The following SGCZ variants were observed in gnomAD, a reference collection of about 807,000 sequenced individuals.
The protein encoded by SGCZ is sarcoglycan zeta, also known as zeta-sarcoglycan.
A neutral mutation model predicts 41.3 loss-of-function variants in SGCZ; 40 were observed. The observed-to-expected ratio is 0.97, with a 90% confidence interval of 0.75 to 1.26. SGCZ has a LOEUF of 1.26. SGCZ is among the 50% of genes most tolerant of loss of function. SGCZ has a pLI of 0.00. For missense variants in SGCZ, 552 were observed against 369.8 expected, an observed-to-expected ratio of 1.49 and a Z score of -4.04; for synonymous variants, 206 against 137.5, an observed-to-expected ratio of 1.50 and a Z score of -3.49.
intron 1 of SGCZ, among the ~76,000 whole-genome samples, chr8:14,710,369 C>CT (rs1809477226): frequency 1.1e-5 from 1 of 92,432 alleles, no homozygotes; most frequent in Non-Finnish European, 2.2e-5. Context: ...GACTCCGCAT[C>CT]AAAAAAAAAA....
chr8:14,330,579 C>T (rs1027154136), intron 2 of SGCZ, among the ~76,000 whole-genome samples: 5 of 151,744 alleles, frequency 3.3e-5, no homozygotes, highest in Admixed American at 6.6e-5. Context: ...TTTAAAGTGA[C>T]TGTTTAAATT....
intron 2 of SGCZ, among the ~76,000 whole-genome samples, chr8:14,377,820 A>G (rs903444558): frequency 7.2e-5 from 11 of 151,732 alleles, no homozygotes; most frequent in Non-Finnish European, 1.0e-4. Context: ...GAGAATGATG[A>G]TTACCAATTT....
chr8:14,448,020 A>G (rs570823564), intron 2 of SGCZ, among the ~76,000 whole-genome samples: 4 of 152,162 alleles, frequency 2.6e-5, no homozygotes, highest in African/African-American at 9.7e-5. Flanking sequence ...AAATAGTCTG[A>G]AATCGGGGTG....
At chr8:14,435,117 G>A (rs1051639537) in intron 2 of SGCZ, among the ~76,000 whole-genome samples, 2 of 152,078 alleles carry the variant, frequency 1.3e-5, no homozygotes, top group Non-Finnish European at 2.9e-5. Context: ...TAATAAAAGC[G>A]TGATATTTTG....
chr8:14,836,327 A>G (rs1209728089), intron 1 of SGCZ, among the ~76,000 whole-genome samples: 1 of 152,210 alleles, frequency 6.6e-6, no homozygotes, highest in African/African-American at 2.4e-5. Context: ...TAATGTTTCT[A>G]TCATAAGATT....
At chr8:15,214,690 A>C (rs1016744581) in intron 1 of SGCZ, among the ~76,000 whole-genome samples, 5 of 152,170 alleles carry the variant, frequency 3.3e-5, no homozygotes, top group African/African-American at 1.2e-4. Flanking sequence ...AGGGAGGCAT[A>C]TTCCTCACAG....
intron 1 of SGCZ, among the ~76,000 whole-genome samples, chr8:14,646,597 A>G (rs748925733): frequency 1.3e-5 from 2 of 151,794 alleles, no homozygotes; most frequent in Non-Finnish European, 2.9e-5. Context: ...GCTGGATTGG[A>G]TGGTAGTTGT....
intron 1 of SGCZ, among the ~76,000 whole-genome samples, chr8:15,152,313 G>T (rs1023873042): frequency 1.3e-5 from 2 of 152,160 alleles, no homozygotes; most frequent in African/African-American, 2.4e-5. Context: ...TAAAAACAAG[G>T]ATAAGTGGAA....
chr8:14,222,271 A>C (rs1004291805), intron 4 of SGCZ, among the ~76,000 whole-genome samples: 5 of 151,820 alleles, frequency 3.3e-5, no homozygotes, highest in African/African-American at 1.2e-4. Flanking sequence ...CCCGGGTTCA[A>C]GCAATTATCT....
At chr8:14,518,111 T>C (rs4831601) in intron 2 of SGCZ, among the ~76,000 whole-genome samples, 96,684 of 151,548 alleles carry the variant, frequency 0.64, 31,553 homozygotes, top group South Asian at 0.76. Flanking sequence ...ATATATTTGC[T>C]CATAGATTTT....
chr8:14,164,129 T>A (rs1804133816), intron 5 of SGCZ, among the ~76,000 whole-genome samples: 1 of 152,210 alleles, frequency 6.6e-6, no homozygotes, highest in Non-Finnish European at 1.5e-5. Context: ...ATTTACATAC[T>A]TTTGAGGATA....
At chr8:14,309,505 G>C in intron 3 of SGCZ, 1 of 1,608,954 alleles carries the variant, frequency 6.2e-7, no homozygotes, top group Non-Finnish European at 8.5e-7. Context: ...ATTGTGATAA[G>C]AGAGCAGTGT....
intron 1 of SGCZ, among the ~76,000 whole-genome samples, chr8:14,981,791 A>G (rs966663868): frequency 2.0e-5 from 3 of 152,192 alleles, no homozygotes; most frequent in Non-Finnish European, 4.4e-5. Context: ...ATCATAGTGC[A>G]TATTCTACTT....
At chr8:14,282,199 T>G (rs570340963) in intron 3 of SGCZ, among the ~76,000 whole-genome samples, 5 of 152,246 alleles carry the variant, frequency 3.3e-5, no homozygotes, top group Middle Eastern at 3.4e-3. Flanking sequence ...TTCTTTGCCT[T>G]AATAGACTAA....
chr8:14,276,177 AG>A (rs1800224188), intron 3 of SGCZ, among the ~76,000 whole-genome samples: 1 of 152,210 alleles, frequency 6.6e-6, no homozygotes, highest in Non-Finnish European at 1.5e-5. Flanking sequence ...CATTGAAAGT[AG>A]TAGAAATTAT....
At chr8:14,829,351 T>G (rs954445145) in intron 1 of SGCZ, among the ~76,000 whole-genome samples, 7 of 151,712 alleles carry the variant, frequency 4.6e-5, no homozygotes, top group African/African-American at 1.7e-4. Flanking sequence ...AGGGATAGAC[T>G]AAATGGCTGG....
intron 1 of SGCZ, among the ~76,000 whole-genome samples, chr8:14,667,280 T>C (rs1437972271): frequency 6.6e-6 from 1 of 152,214 alleles, no homozygotes. Context: ...CCTATTACAC[T>C]AACTTAGGAA....
chr8:14,387,979 A>G (rs1804634848), intron 2 of SGCZ, among the ~76,000 whole-genome samples: 2 of 152,144 alleles, frequency 1.3e-5, no homozygotes, highest in African/African-American at 4.8e-5. Flanking sequence ...AATCTGTAGA[A>G]CCTTGTGATT....
intron 1 of SGCZ, among the ~76,000 whole-genome samples, chr8:15,227,840 G>C (rs1029678634): frequency 6.6e-6 from 1 of 152,164 alleles, no homozygotes; most frequent in African/African-American, 2.4e-5. Flanking sequence ...AGAAAGCTGA[G>C]ACTGAGAAGA....
Sources: allele counts gnomAD v4.1 joint callset (sites outside exome capture counted in the v4.1 genomes callset), GRCh38; gene constraint gnomAD v4.1.1; transcripts MANE v1.5; gene names NCBI Gene and HGNC (gene_info 2026-07-23, HGNC 2026-07-21).